Variants in SLC26A9 observed in about 807,000 individuals in gnomAD.
SLC26A9 encodes the protein anion transporter/exchanger protein 9.
In SLC26A9, 46 loss-of-function variants were observed where a neutral mutation model predicts 87.1. The ratio of observed to expected loss-of-function variants is 0.53; its 90% confidence interval spans 0.42 to 0.67. The LOEUF (loss-of-function observed/expected upper bound fraction) is 0.67, where lower values mean the gene tolerates loss of function less well. Ranked by LOEUF, SLC26A9 falls within the 30% of genes least tolerant of loss-of-function variation. The pLI is 0.00. For synonymous variants in SLC26A9, 437 were observed against 409.1 expected (o/e 1.07, Z -0.82); for missense variants, 927 against 1,018.3 (o/e 0.91, Z 1.22).
At chr1:205,937,252 C>G (rs533693153) in intron 1 of SLC26A9, among the ~76,000 whole-genome samples, 1 of 152,098 alleles carries the variant, frequency 6.6e-6, no homozygotes, top group Non-Finnish European at 1.5e-5. Flanking sequence ...CCAGCAGAAG[C>G]GAAGGTGGGA....
At chr1:205,920,322 G>A in intron 17 of SLC26A9, 92 bp from the exon 18 acceptor site, 1 of 1,515,464 alleles carries the variant, frequency 6.6e-7, no homozygotes, top group South Asian at 1.1e-5. Flanking sequence ...CAGAGGGGAA[G>A]CCAAACAAAT....
chr1:205,916,118 A>G (rs1461773902), intron 20 of SLC26A9, among the ~76,000 whole-genome samples: 1 of 124,078 alleles, frequency 8.1e-6, no homozygotes, highest in Non-Finnish European at 1.8e-5. Flanking sequence ...TTTGTTTTTG[A>G]GACAGTCTAG....
chr1:205,917,223 G>A, intron 20 of SLC26A9, 60 bp downstream of exon 20: 3 of 1,572,064 alleles, frequency 1.9e-6, no homozygotes, highest in Non-Finnish European at 2.6e-6. Flanking sequence ...ATTTGACAGC[G>A]ACCCCATCCT....
chr1:205,938,691 G>T (rs1056382148), intron 1 of SLC26A9, among the ~76,000 whole-genome samples: 1 of 152,036 alleles, frequency 6.6e-6, no homozygotes, highest in African/African-American at 2.4e-5. Flanking sequence ...AAGACCTGTT[G>T]AAGTTCCTCC....
At chr1:205,921,526 G>A in intron 17 of SLC26A9, 40 bp downstream of exon 17, 18 of 1,585,574 alleles carry the variant, frequency 1.1e-5, no homozygotes, top group Non-Finnish European at 1.5e-5. Flanking sequence ...AGAGCGGAGG[G>A]GGTGGAGTGG....
chr1:205,938,512 C>A (rs1042837156), intron 1 of SLC26A9, among the ~76,000 whole-genome samples: 1 of 152,036 alleles, frequency 6.6e-6, no homozygotes, highest in African/African-American at 2.4e-5. Flanking sequence ...GTTTTTTTAT[C>A]CTCTGGCCTT....
intron 20 of SLC26A9, among the ~76,000 whole-genome samples, chr1:205,915,721 G>C (rs894932587): frequency 1.4e-4 from 21 of 152,130 alleles, no homozygotes; most frequent in Non-Finnish European, 2.2e-4. Flanking sequence ...GTAAAATGAG[G>C]GTTGGCAGTA....
Position 205,915,395 on chromosome 1 carries a change from C to T in SLC26A9, c.2338G>A (p.Gly780Arg), listed in dbSNP as rs140421441. 13 of 1,613,912 alleles carry T rather than the reference C, an allele frequency of 8.1e-6. No homozygotes were observed. The highest frequency in any genetic ancestry group is 2.2e-5 in the South Asian group (2 of 91,068). Residue 780 changes from glycine (G) to arginine (R), a missense_variant, in exon 21 of 21, where the codon GGG (glycine) becomes AGG (arginine). Physicochemically the swap from Gly to Arg is moderately radical, Grantham distance 125. Transcript: ENST00000367135. ...AGGGTCTCTGCGTGAAACATGCTCC[C>T]GAACATCTCCTGCAGGAACCACAGG... ...SYWDLEQEMF[G>R]SMFHAETLTA...
At chr1:205,923,247 G>A in intron 15 of SLC26A9, 52 bp from the exon 16 acceptor site, 3 of 1,609,236 alleles carry the variant, frequency 1.9e-6, no homozygotes, top group Non-Finnish European at 2.6e-6. Flanking sequence ...TATGGGAGTG[G>A]CCTATTCTCA....
intron 5 of SLC26A9, 125 bp downstream of exon 5, chr1:205,931,735 G>T: frequency 7.6e-7 from 1 of 1,307,624 alleles, no homozygotes; most frequent in Non-Finnish European, 1.0e-6. Context: ...CCAAAGTGCT[G>T]GGATTACAGG....
chr1:205,924,246 G>A, intron 13 of SLC26A9, 137 bp downstream of exon 13: 1 of 748,502 alleles, frequency 1.3e-6, no homozygotes, highest in Non-Finnish European at 2.2e-6. Context: ...GGCTCTCTTT[G>A]GGCCTGGCAG....
intron 20 of SLC26A9, among the ~76,000 whole-genome samples, chr1:205,916,189 C>A (rs1475075274): frequency 6.6e-6 from 1 of 152,194 alleles, no homozygotes. Flanking sequence ...ATCTGCCTCC[C>A]AGGTTCAAGT....
At chr1:205,921,444 T>C in intron 17 of SLC26A9, 122 bp downstream of exon 17, 1 of 1,261,590 alleles carries the variant, frequency 7.9e-7, no homozygotes, top group Non-Finnish European at 1.1e-6. Context: ...CTAGGAGCTG[T>C]TAGTCTCCCC....
At chr1:205,927,757 C>T in intron 9 of SLC26A9, 145 bp downstream of exon 9, 1 of 1,440,746 alleles carries the variant, frequency 6.9e-7, no homozygotes, top group Non-Finnish European at 9.5e-7. Flanking sequence ...AGGAGGTCAG[C>T]CTCTTAGGGT....
rs907724470 is a variant in SLC26A9 at position 205,914,305 on chromosome 1, A to C, written c.*1052T>G. 6.5e-6 allele frequency: 1 copy of C among 153,110 alleles called. No homozygotes were observed. The highest frequency in any genetic ancestry group is 2.4e-5 in the African/African-American group (1 of 41,454). The allele number at this position is 153,110 out of a possible 1,614,324, so 9.5% of individuals were successfully genotyped here. On this transcript the variant is annotated 3_prime_UTR_variant, in exon 21 of 21. Coordinates refer to ENST00000367135, the MANE Select transcript of SLC26A9 (RefSeq NM_052934.4). ...TCTGGGCCACAGGCTGATAAGGAAG[A>C]GTTAACATGATTGGCTCTTTGCCAG...
intron 1 of SLC26A9, among the ~76,000 whole-genome samples, chr1:205,939,867 A>G (rs564294822): frequency 6.6e-6 from 1 of 152,188 alleles, no homozygotes; most frequent in South Asian, 2.1e-4. Context: ...GCATCGCTGG[A>G]AAAAAAAGTC....
chr1:205,914,978 A>C lies in SLC26A9; in HGVS notation c.*379T>G, dbSNP rs768096078. ...TGAAGCTTGTACAGCAGGCCAGCAC[A>C]GTTGTACTTGTCCTTCTGTTTTTGG... On this transcript the variant is annotated 3_prime_UTR_variant, in exon 21 of 21. Coordinates refer to ENST00000367135, the MANE Select transcript of SLC26A9 (RefSeq NM_052934.4). 2 of 1,614,172 alleles carry C rather than the reference A, an allele frequency of 1.2e-6. No homozygotes were observed. Among genetic ancestry groups the C allele is most frequent in the South Asian group, 2.2e-5 (2 of 91,084 alleles).
rs1479731661 is a variant in SLC26A9 at position 205,935,697 on chromosome 1, T to G, written c.124A>C (p.Arg42=). 6.2e-7 allele frequency: 1 copy of G among 1,613,896 alleles called. No individual in the cohort carries two copies. Among genetic ancestry groups the G allele is most frequent in the African/African-American group, 1.3e-5 (1 of 74,920 alleles). Residue 42 remains arginine, a splice_region_variant and synonymous_variant, in exon 2 of 21, where the codon AGA becomes CGA. Transcript: ENST00000367135. ...PVGEKLRNAF[R]CSSAKIKAVV... Reference sequence around the variant, plus strand: ...AAGTCTGGGCTCTGGACCAGTTACCTGAAGGCATTGCGAAGTTTCTCTCCC... The same window carrying G: ...AAGTCTGGGCTCTGGACCAGTTACCGGAAGGCATTGCGAAGTTTCTCTCCC...
intron 12 of SLC26A9, 132 bp from the exon 13 acceptor site, chr1:205,924,621 T>C: frequency 2.9e-6 from 2 of 701,298 alleles, no homozygotes; most frequent in Middle Eastern, 2.5e-4. Flanking sequence ...TTTCTTTAAA[T>C]AGCATTTTTT....
Sources: gnomAD v4.1 joint callset for allele counts (sites outside exome capture counted in the v4.1 genomes callset) on GRCh38, gnomAD v4.1.1 for gene constraint, MANE v1.5 for transcripts, NCBI Gene and HGNC (gene_info 2026-07-23, HGNC 2026-07-21) for gene names.